The following PDLIM7 variants were observed in gnomAD, a reference collection of about 807,000 sequenced individuals.
The protein encoded by PDLIM7 is PDZ and LIM domain protein 7.
Under a neutral mutation model 53.9 loss-of-function variants are expected in PDLIM7, and 37 were observed. That is an observed-to-expected ratio of 0.69 (90% CI 0.53 to 0.90). The LOEUF is 0.90. Among genes scored for constraint, PDLIM7 ranks in the 40% least tolerant of loss-of-function variants. The pLI, the probability that PDLIM7 is intolerant of heterozygous loss-of-function variation, is 0.00. For missense variants in PDLIM7, 617 were observed against 638.5 expected, an observed-to-expected ratio of 0.97 and a Z score of 0.36; for synonymous variants, 300 against 261.3, an observed-to-expected ratio of 1.15 and a Z score of -1.43.
intron 2 of PDLIM7, chr5:177,492,941 C>A: frequency 4.1e-6 from 2 of 491,722 alleles, no homozygotes; most frequent in East Asian, 6.6e-5. Flanking sequence ...CTGAGCTTCC[C>A]CAGTCACGAT....
intron 11 of PDLIM7, 35 bp from the exon 12 acceptor site, chr5:177,484,017 T>C (rs185683211): frequency 1.4e-5 from 23 of 1,613,476 alleles, no homozygotes; most frequent in Non-Finnish European, 1.7e-5. Context: ...AGGACCTGGA[T>C]TCATGCCTGC....
chr5:177,491,544 C>A, intron 5 of PDLIM7: 1 of 819,146 alleles, frequency 1.2e-6, no homozygotes, highest in South Asian at 1.5e-5. Context: ...TGGGGCTCAG[C>A]TGGCCCGACA....
At chr5:177,486,867 G>A (rs1330890657) in intron 10 of PDLIM7, among the ~76,000 whole-genome samples, 13 of 147,672 alleles carry the variant, frequency 8.8e-5, no homozygotes, top group East Asian at 6.0e-4. Flanking sequence ...TCCTGACCTC[G>A]TGATCCGCCC....
Position 177,483,954 on chromosome 5 carries a change from G to A in PDLIM7, c.1200C>T (p.Cys400=). 3 of 1,613,940 alleles carry A rather than the reference G, an allele frequency of 1.9e-6. No individual in the cohort carries two copies. Among genetic ancestry groups the A allele is most frequent in the Non-Finnish European group, 2.5e-6 (3 of 1,179,978 alleles). The change falls in exon 12 of 13, where the codon TGC becomes TGT. Residue 400 remains cysteine, a synonymous_variant. Transcript: ENST00000355841. ...RDYEKMFGTK[C]HGCDFKIDAG... ...CGTCGATCTTGAAGTCACAGCCATG[G>A]CATTTCGTGCCAAACATCTTCTCAT...
chr5:177,494,743 G>A (rs1758978144), intron 2 of PDLIM7, among the ~76,000 whole-genome samples: 1 of 152,092 alleles, frequency 6.6e-6, no homozygotes, highest in African/African-American at 2.4e-5. Context: ...AACCAAGGAG[G>A]GAAAAAGCCA....
At chr5:177,490,534 T>C in intron 7 of PDLIM7, 1 of 1,566,526 alleles carries the variant, frequency 6.4e-7, no homozygotes, top group East Asian at 2.4e-5. Flanking sequence ...AGAGCGCTGG[T>C]GGTGCCAGTC....
At chr5:177,496,374 C>T (rs1422558442) in intron 2 of PDLIM7, 43 bp downstream of exon 2, 9 of 1,455,512 alleles carry the variant, frequency 6.2e-6, no homozygotes, top group East Asian at 2.6e-5. Context: ...ACCTAAGCAC[C>T]GAAAGACCGC....
Position 177,489,454 on chromosome 5 carries a change from G to C in PDLIM7, c.808C>G (p.Pro270Ala). ...TTGCCGTTGTTGCTGCCCCCTCCTG[G>C]CACCCCTCCGGCAGCTGCCTGCACA... The part of the protein sequence containing the change: ...SIVQAAAGGV[P>A]GGGSNNGKTP... The change falls in exon 9 of 13, where the codon CCA becomes GCA. Residue 270 changes from proline (P) to alanine (A), a missense_variant. Physicochemically the swap from Pro to Ala is conservative, Grantham distance 27. Transcript: ENST00000355841. 2 of 1,604,240 alleles carry C rather than the reference G, an allele frequency of 1.2e-6. No individual in the cohort carries two copies. Among genetic ancestry groups the C allele is most frequent in the East Asian group, 2.2e-5 (1 of 44,578 alleles).
chr5:177,493,568 G>A (rs1001815481), intron 2 of PDLIM7, among the ~76,000 whole-genome samples: 4 of 152,250 alleles, frequency 2.6e-5, no homozygotes, highest in African/African-American at 9.6e-5. Context: ...AATGCCAGGG[G>A]AAGGGACCAG....
intron 9 of PDLIM7, 88 bp from the exon 10 acceptor site, chr5:177,488,336 A>G (rs1758568573): frequency 9.5e-7 from 1 of 1,058,134 alleles, no homozygotes; most frequent in African/African-American, 1.6e-5. Context: ...ACCCACCAGG[A>G]GGCCTTGGGA....
rs1393961493 is a variant in PDLIM7, at chr5:177,489,401, C to T, written c.861G>A (p.Lys287=). The T allele has an allele frequency of 1.4e-5, 22 of 1,583,388 alleles. No homozygotes were observed. The highest frequency in any genetic ancestry group is 1.9e-5 in the Non-Finnish European group (22 of 1,164,210). The change falls in exon 9 of 13, where the codon AAG becomes AAA. Residue 287 remains lysine (K), a synonymous_variant. Transcript: ENST00000355841. ...GKTPVCHQCH[K]VIRGRYLVAL... ...AGGAACAGGCCACCCACCGGATGAC[C>T]TTGTGGCACTGGTGACACACGGGAG...
intron 10 of PDLIM7, among the ~76,000 whole-genome samples, chr5:177,486,044 G>A (rs1251644956): frequency 6.6e-6 from 1 of 151,998 alleles, no homozygotes; most frequent in Admixed American, 6.6e-5. Flanking sequence ...CCAAGTAGCT[G>A]GGACCACAGG....
Position 177,483,531 on chromosome 5 carries a change from G to A in PDLIM7, c.*113C>T, listed in dbSNP as rs1397048156. On this transcript the variant is annotated 3_prime_UTR_variant, in exon 13 of 13. Transcript: ENST00000355841. ...GCAGGGCCCAGGGAGCCCCAGGCTC[G>A]GGCCAGGAGCCAGGGTTAAGGCAAC... is the stretch of plus-strand genomic sequence containing the variant. 2.3e-5 allele frequency: 17 copies of A among 737,136 alleles called. No individual in the cohort carries two copies. The East Asian group carries it at 3.0e-4, about 13-fold the overall frequency. 45.7% of individuals were successfully genotyped at this position (737,136 alleles called of 1,614,324 possible).
chr5:177,484,164 G>C lies in PDLIM7; in HGVS notation c.1077C>G (p.Thr359=), dbSNP rs1758320967. 1.2e-6 allele frequency: 2 copies of C among 1,613,846 alleles called. No individual in the cohort carries two copies. Among genetic ancestry groups the C allele is most frequent in the Non-Finnish European group, 8.5e-7 (1 of 1,179,986 alleles). The part of the protein sequence containing the change: ...TGEIMHALKM[T]WHVHCFTCAA... ...CACAGGTAAAGCAGTGCACGTGCCA[G>C]GTCATCTTCAGGGCGTGCATGATCT... The change falls in exon 11 of 13, where the codon ACC becomes ACG. Residue 359 remains threonine (T), a synonymous_variant. Transcript: ENST00000355841.
At chr5:177,493,305 G>C (rs536790597) in intron 2 of PDLIM7, among the ~76,000 whole-genome samples, 1 of 152,184 alleles carries the variant, frequency 6.6e-6, no homozygotes, top group Non-Finnish European at 1.5e-5. Context: ...TGACAGCTGG[G>C]ACTTCGTAGG....
chr5:177,489,835 G>A lies in PDLIM7; in HGVS notation c.573-3C>T, dbSNP rs773039245. 1 of 1,584,320 alleles carries A rather than the reference G, an allele frequency of 6.3e-7. No homozygotes were observed. Among genetic ancestry groups the A allele is most frequent in the Non-Finnish European group, 8.6e-7 (1 of 1,166,818 alleles). On this transcript the variant is annotated splice_region_variant and splice_polypyrimidine_tract_variant and intron_variant, in intron 7 of 12. Coordinates refer to ENST00000355841, the MANE Select transcript of PDLIM7 (RefSeq NM_005451.5). ...GGGCTTCTGTCCTGGGCACCTGGCT[G>A]CAAGATCTGCCATTCAAGGCCCTGC...
At chr5:177,490,728 A>C in intron 7 of PDLIM7, 142 bp downstream of exon 7, 1 of 660,896 alleles carries the variant, frequency 1.5e-6, no homozygotes, top group Non-Finnish European at 2.7e-6. Flanking sequence ...GAAGGAAGGA[A>C]GGAAGGAAGG....
At chr5:177,490,645 G>C in intron 7 of PDLIM7, 1 of 1,248,548 alleles carries the variant, frequency 8.0e-7, no homozygotes, top group Non-Finnish European at 1.1e-6. Flanking sequence ...AGAGATGGAA[G>C]GGAGGCAGGG....
intron 10 of PDLIM7, 84 bp downstream of exon 10, chr5:177,487,984 G>C: frequency 7.3e-7 from 1 of 1,368,628 alleles, no homozygotes; most frequent in Non-Finnish European, 9.9e-7. Context: ...CACTCGGGGA[G>C]AGACCTGGAC....
Sources: gnomAD v4.1 joint callset for allele counts (sites outside exome capture counted in the v4.1 genomes callset) on GRCh38, gnomAD v4.1.1 for gene constraint, MANE v1.5 for transcripts, NCBI Gene and HGNC (gene_info 2026-07-23, HGNC 2026-07-21) for gene names.